The following CELF2 variants were observed in gnomAD, a reference collection of about 807,000 sequenced individuals.
CELF2 encodes CUG triplet repeat RNA-binding protein 2.
Under a neutral mutation model 62.6 loss-of-function variants are expected in CELF2, and 8 were observed. The observed-to-expected ratio is 0.13, with a 90% CI of 0.07 to 0.23. The LOEUF (loss-of-function observed/expected upper bound fraction) is 0.23, where lower values mean the gene tolerates loss of function less well. Ranked by LOEUF, CELF2 falls within the 10% of genes least tolerant of loss-of-function variation. The pLI, the probability that CELF2 is intolerant of heterozygous loss-of-function variation, is 1.00. For synonymous variants in CELF2, 258 were observed against 250.0 expected (o/e 1.03, Z -0.30); for missense variants, 333 against 671.0 (o/e 0.50, Z 5.56).
chr10:10,797,561 G>A (rs1445854662), upstream of CELF2, among the ~76,000 whole-genome samples: 1 of 152,070 alleles, frequency 6.6e-6, no homozygotes, highest in Non-Finnish European at 1.5e-5. Context: ...AAAAATAAGC[G>A]TAAGAAAAAG....
chr10:10,871,676 C>T (rs929473479), intron 1 of CELF2, among the ~76,000 whole-genome samples: 1 of 152,058 alleles, frequency 6.6e-6, no homozygotes, highest in Admixed American at 6.6e-5. Flanking sequence ...TTTCGAAAGA[C>T]TTCTAGGAAG....
At chr10:11,142,341 A>G (rs2061482231) in intron 1 of CELF2, among the ~76,000 whole-genome samples, 1 of 152,158 alleles carries the variant, frequency 6.6e-6, no homozygotes. Context: ...AACTGAAAGT[A>G]TCAGTTGGAT....
At chr10:10,778,904 C>A in the CELF2 span, among the ~76,000 whole-genome samples, 1 of 152,064 alleles carries the variant, frequency 6.6e-6, no homozygotes, top group Non-Finnish European at 1.5e-5. Context: ...GACATTTGAA[C>A]TTAGATGTGG....
chr10:10,679,394 A>G, the CELF2 span, among the ~76,000 whole-genome samples: 1 of 152,118 alleles, frequency 6.6e-6, no homozygotes, highest in Non-Finnish European at 1.5e-5. Context: ...GGTTCAAGCC[A>G]TTCTCCCGCC....
At chr10:10,614,686 C>T in the CELF2 span, among the ~76,000 whole-genome samples, 14 of 152,132 alleles carry the variant, frequency 9.2e-5, no homozygotes, top group Admixed American at 9.2e-4. Context: ...CCAGCCTTAT[C>T]TTCATGTCAC....
At chr10:10,838,400 A>G (rs2058450748) in intron 1 of CELF2, among the ~76,000 whole-genome samples, 1 of 152,064 alleles carries the variant, frequency 6.6e-6, no homozygotes, top group Admixed American at 6.6e-5. Context: ...CTCTTACCAT[A>G]CTGCACTTTT....
chr10:10,854,285 G>A (rs1374963383), intron 1 of CELF2, among the ~76,000 whole-genome samples: 3 of 152,178 alleles, frequency 2.0e-5, no homozygotes, highest in African/African-American at 4.8e-5. Context: ...TGGGGGAAGG[G>A]TGCTTATTGC....
the CELF2 span, among the ~76,000 whole-genome samples, chr10:10,652,945 C>A: frequency 6.6e-6 from 1 of 152,140 alleles, no homozygotes; most frequent in African/African-American, 2.4e-5. Flanking sequence ...AGTCAAGACC[C>A]ATCAGTGTGC....
chr10:11,248,465 C>T (rs2137263794), intron 3 of CELF2, among the ~76,000 whole-genome samples: 1 of 152,242 alleles, frequency 6.6e-6, no homozygotes, highest in South Asian at 2.1e-4. Context: ...TCCTTCCATT[C>T]TTCAGTGGCT....
At chr10:11,261,553 G>A (rs565898272) in intron 5 of CELF2, among the ~76,000 whole-genome samples, 34 of 152,282 alleles carry the variant, frequency 2.2e-4, no homozygotes, top group African/African-American at 8.2e-4. Context: ...ACTCTACGTG[G>A]AAAGCACCTA....
At chr10:11,095,932 GAATTTACAGTGTAACATTTTGCC>G (rs2049743989) in intron 1 of CELF2, among the ~76,000 whole-genome samples, 1 of 152,132 alleles carries the variant, frequency 6.6e-6, no homozygotes, top group African/African-American at 2.4e-5. Flanking sequence ...AATATCCTTA[GAATTTACAGTGTAACATTTTGCC>G]ATATGTATTG....
Position 11,325,074 on chromosome 10 carries a change from T to A in CELF2, c.1295-762T>A, listed in dbSNP as rs1386312980. ...CGAGGGCAGCTTAGGAGCACGCACC[T>A]CTCCAGCCAGCAGGGCCAAGATCTC... On this transcript the variant is annotated intron_variant, in intron 11 of 12. Transcript: ENST00000633077. 7.2e-5 allele frequency among the ~76,000 whole-genome samples: 11 copies of A among 152,272 alleles called. No individual in the cohort carries two copies. The East Asian group carries it at 1.9e-3, about 27-fold the overall frequency.
the CELF2 span, among the ~76,000 whole-genome samples, chr10:10,779,434 G>A: frequency 2.0e-5 from 3 of 152,134 alleles, no homozygotes; most frequent in African/African-American, 4.8e-5. Context: ...CTTGGGCCCC[G>A]TTCATTGCAC....
intron 1 of CELF2, among the ~76,000 whole-genome samples, chr10:11,126,742 A>C (rs956725480): frequency 1.9e-4 from 29 of 152,184 alleles, no homozygotes; most frequent in African/African-American, 7.0e-4. Flanking sequence ...TAATATATAC[A>C]TTTCTGGTAG....
At chr10:10,578,551 T>G in the CELF2 span, among the ~76,000 whole-genome samples, 1 of 152,038 alleles carries the variant, frequency 6.6e-6, no homozygotes, top group African/African-American at 2.4e-5. Flanking sequence ...TCAGCTTTCA[T>G]GAGGTCCTCT....
At chr10:11,252,914 G>A (rs2077568391) in intron 4 of CELF2, among the ~76,000 whole-genome samples, 2 of 152,162 alleles carry the variant, frequency 1.3e-5, no homozygotes, top group African/African-American at 4.8e-5. Context: ...GACAGGCAGG[G>A]CTTTTGAGGA....
chr10:11,285,403 G>A lies in CELF2; in HGVS notation c.842-3015G>A, dbSNP rs751076892. On this transcript the variant is annotated intron_variant, in intron 8 of 12. Coordinates refer to ENST00000633077, the MANE Select transcript of CELF2 (RefSeq NM_001326342.2). The surrounding 1 kb of genome is among the most constrained non-coding windows in gnomAD (Gnocchi z 4.3). ...GCCACTCCCCCTGGACTTTCCAGGC[G>A]GCAGCAGGGAAAGGCTTAGGAGAAT... 1.1e-4 allele frequency among the ~76,000 whole-genome samples: 17 copies of A among 152,128 alleles called. No individual in the cohort carries two copies. Among genetic ancestry groups the A allele is most frequent in the South Asian group, 6.2e-4 (3 of 4,834 alleles).
the CELF2 span, among the ~76,000 whole-genome samples, chr10:10,761,861 T>C: frequency 1.3e-5 from 2 of 151,430 alleles, no homozygotes; most frequent in Non-Finnish European, 2.9e-5. Context: ...ATCTGGGGAC[T>C]TCTCAGCCTC....
rs569870357 is a variant in CELF2 at position 11,318,480 on chromosome 10, G to A, written c.1097-2709G>A. The A allele has an allele frequency of 5.8e-5, 20 of 342,584 alleles. No homozygotes were observed. The highest frequency in any genetic ancestry group is 3.9e-4 in the African/African-American group (18 of 46,522). 21.2% of individuals were successfully genotyped at this position (342,584 alleles called of 1,614,324 possible). A position where few individuals can be genotyped will look rare whatever the true frequency, so the allele number is the denominator to read the frequency against. On this transcript the variant is annotated intron_variant, in intron 10 of 12. Coordinates refer to ENST00000633077, the MANE Select transcript of CELF2 (RefSeq NM_001326342.2). This position sits in a 1 kb window ranked among gnomAD's most constrained non-coding sequence, Gnocchi z 5.4. Reference sequence around the variant, plus strand: ...GCCACAGCTGTCTCCTACATGCACAGCACCAGCAGAAGTAAACACGACCCT... The same window carrying A: ...GCCACAGCTGTCTCCTACATGCACAACACCAGCAGAAGTAAACACGACCCT...
Sources: allele counts gnomAD v4.1 joint callset (sites outside exome capture counted in the v4.1 genomes callset), GRCh38; gene constraint gnomAD v4.1.1; non-coding constraint Gnocchi (gnomAD v3.1); transcripts MANE v1.5; gene names NCBI Gene and HGNC (gene_info 2026-07-23, HGNC 2026-07-21).